Variants in FHDC1 observed in about 807,000 individuals in gnomAD.
The protein encoded by FHDC1 is FH2 domain containing 1.
In FHDC1, 25 loss-of-function variants were observed where a neutral mutation model predicts 52.6. The ratio of observed to expected loss-of-function variants is 0.48; its 90% CI spans 0.35 to 0.66. FHDC1 has a LOEUF of 0.66. Ranked by LOEUF, FHDC1 falls within the 30% of genes least tolerant of loss-of-function variation. The probability of loss-of-function intolerance (pLI) is 0.01; values close to 1 mark genes in which losing one functional copy is unlikely to be tolerated. For missense variants in FHDC1, 1,459 were observed against 1,452.8 expected, an observed-to-expected ratio of 1.00 and a Z score of -0.07; for synonymous variants, 616 against 581.5, an observed-to-expected ratio of 1.06 and a Z score of -0.85.
At chr4:152,920,317 A>AAC in the FHDC1 span, among the ~76,000 whole-genome samples, 37 of 151,742 alleles carry the variant, frequency 2.4e-4, no homozygotes, top group South Asian at 4.2e-4. Context: ...TGTGACAGAG[A>AAC]ACACACACAC....
At chr4:152,920,769 C>A in the FHDC1 span, among the ~76,000 whole-genome samples, 1 of 152,002 alleles carries the variant, frequency 6.6e-6, no homozygotes, top group East Asian at 1.9e-4. Flanking sequence ...AAATAAAAAT[C>A]TCTTGTAATT....
chr4:152,942,347 C>G (rs1739596409), intron 1 of FHDC1, among the ~76,000 whole-genome samples: 1 of 152,188 alleles, frequency 6.6e-6, no homozygotes, highest in Non-Finnish European at 1.5e-5. Context: ...GTTCTTTTCT[C>G]TATTTGGGGG....
chr4:152,949,203 T>C (rs12651510), intron 2 of FHDC1, among the ~76,000 whole-genome samples: 86,080 of 150,704 alleles, frequency 0.57, 25,020 homozygotes, highest in South Asian at 0.71. Flanking sequence ...GGACCAGGCA[T>C]GGTGGCTGAA....
Position 152,975,337 on chromosome 4 carries a change from C to G in FHDC1, c.2046C>G (p.Phe682Leu), listed in dbSNP as rs779737585. 1.2e-6 allele frequency: 2 copies of G among 1,613,692 alleles called. No individual in the cohort carries two copies. The highest frequency in any genetic ancestry group is 3.3e-5 in the Admixed American group (2 of 60,030). ...EHELVTGLAQFNLQGSQGMEE... is the reference protein window; with the variant it reads ...EHELVTGLAQLNLQGSQGMEE... ...AGCTGGTGACAGGGCTGGCCCAGTTCAACCTCCAGGGTTCCCAGGGCATGG... is the reference window on the plus strand; with the variant it reads ...AGCTGGTGACAGGGCTGGCCCAGTTGAACCTCCAGGGTTCCCAGGGCATGG... The change falls in exon 12 of 12, where the codon TTC (phenylalanine) becomes TTG (leucine). Residue 682 changes from phenylalanine to leucine, a missense_variant. Physicochemically the swap from Phe to Leu is conservative, Grantham distance 22 (BLOSUM62 0). Coordinates refer to ENST00000511601, the MANE Select transcript of FHDC1 (RefSeq NM_001371116.1).
chr4:152,918,043 G>A, the FHDC1 span, among the ~76,000 whole-genome samples: 1 of 152,244 alleles, frequency 6.6e-6, no homozygotes, highest in Non-Finnish European at 1.5e-5. Context: ...AAGCTTCATA[G>A]TAGGCTGTGG....
chr4:152,927,039 A>G, the FHDC1 span, among the ~76,000 whole-genome samples: 53 of 152,372 alleles, frequency 3.5e-4, no homozygotes, highest in Non-Finnish European at 5.4e-4. Context: ...GAAGCAGGAA[A>G]AATCTCAAAT....
At chr4:152,938,342 G>A (rs944307095) in intron 1 of FHDC1, among the ~76,000 whole-genome samples, 3 of 152,032 alleles carry the variant, frequency 2.0e-5, no homozygotes, top group Non-Finnish European at 2.9e-5. Flanking sequence ...TACTGGGAAC[G>A]CGTTGTCCTG....
At position 152,942,952 on chromosome 4, in the gene FHDC1, T is replaced by C; in HGVS notation, c.-106T>C. 1 of 1,281,462 alleles carries C rather than the reference T, an allele frequency of 7.8e-7. No homozygotes were observed. The highest frequency in any genetic ancestry group is 1.1e-6 in the Non-Finnish European group (1 of 922,216). 79.4% of individuals were successfully genotyped at this position (1,281,462 alleles called of 1,614,324 possible). A position where few individuals can be genotyped will look rare whatever the true frequency, so the allele number is the denominator to read the frequency against. On this transcript the variant is annotated 5_prime_UTR_variant, in exon 2 of 12. Coordinates refer to ENST00000511601, the MANE Select transcript of FHDC1 (RefSeq NM_001371116.1). ...GGTTTGGAAGAGGACAGTTGCCCTT[T>C]ATTCTGGCGGCAGATAGCAGCAGGT...
At position 152,962,871 on chromosome 4, in the gene FHDC1, A is replaced by T; in HGVS notation, c.908A>T (p.Asn303Ile). 1 of 1,613,886 alleles carries T rather than the reference A, an allele frequency of 6.2e-7. No individual in the cohort carries two copies. The highest frequency in any genetic ancestry group is 1.7e-5 in the Admixed American group (1 of 59,976). Residue 303 changes from asparagine (N) to isoleucine (I), a missense_variant, in exon 7 of 12, where the codon AAT becomes ATT. Physicochemically the swap from Asn to Ile is moderately radical, Grantham distance 149. Coordinates refer to ENST00000511601, the MANE Select transcript of FHDC1 (RefSeq NM_001371116.1). ...SILHLVLQAG[N>I]IMNAGGYAGN... ...TTACACTTGGTGCTCCAGGCTGGGA[A>T]TATCATGAATGCAGTAAGTAAAATC... is the stretch of plus-strand genomic sequence containing the variant.
upstream of FHDC1, among the ~76,000 whole-genome samples, chr4:152,934,020 G>A (rs1217641298): frequency 1.3e-5 from 2 of 152,224 alleles, no homozygotes; most frequent in African/African-American, 4.8e-5. Context: ...CACCAAGGTA[G>A]TGGATGTAGG....
intron 2 of FHDC1, among the ~76,000 whole-genome samples, chr4:152,945,546 T>G (rs760256793): frequency 3.9e-5 from 6 of 152,220 alleles, no homozygotes; most frequent in Non-Finnish European, 2.9e-5. Context: ...AACCTCCACC[T>G]TCTGGGTTCA....
At chr4:152,917,482 T>C in the FHDC1 span, among the ~76,000 whole-genome samples, 1 of 152,216 alleles carries the variant, frequency 6.6e-6, no homozygotes, top group Non-Finnish European at 1.5e-5. Flanking sequence ...AAAGGATATT[T>C]ATTTATATTG....
chr4:152,942,890 T>A (rs529804269), intron 1 of FHDC1, 38 bp from the exon 2 acceptor site: 16 of 682,658 alleles, frequency 2.3e-5, no homozygotes, highest in Non-Finnish European at 3.8e-5. Flanking sequence ...CGAAACTGTT[T>A]GTCTGTAACT....
At chr4:152,933,557 AC>A (rs1459146024), upstream of FHDC1, among the ~76,000 whole-genome samples, 2 of 151,576 alleles carry the variant, frequency 1.3e-5, no homozygotes, top group Non-Finnish European at 2.9e-5. Flanking sequence ...ACATGGTGAA[AC>A]CCTATCTCTA....
the FHDC1 span, among the ~76,000 whole-genome samples, chr4:152,922,766 A>T: frequency 7.9e-5 from 12 of 152,226 alleles, no homozygotes; most frequent in African/African-American, 2.9e-4. Context: ...CCACATGATT[A>T]TCTCAATAGA....
Position 152,969,938 on chromosome 4 carries a change from T to C in FHDC1, c.1218+1841T>C, listed in dbSNP as rs151110354. On this transcript the variant is annotated intron_variant, in intron 10 of 11. Coordinates refer to ENST00000511601, the MANE Select transcript of FHDC1 (RefSeq NM_001371116.1). The stretch of plus-strand genomic sequence containing the variant: ...CCCACCTCCCAAAGTGCTGGGATTG[T>C]AGGCATGAGCCACTGCGCCAACCCA... Among the ~76,000 whole-genome samples the C allele has an allele frequency of 3.8e-3, 574 of 152,328 alleles. 4 individuals carry two copies. Among genetic ancestry groups the C allele is most frequent in the African/African-American group, 0.013 (548 of 41,574 alleles).
At chr4:152,969,424 A>C (rs1265374119) in intron 10 of FHDC1, among the ~76,000 whole-genome samples, 1 of 152,264 alleles carries the variant, frequency 6.6e-6, no homozygotes, top group Non-Finnish European at 1.5e-5. Context: ...TACCACAAAA[A>C]TACTGAACAG....
rs1181284487 is a variant in FHDC1, at chr4:152,975,679, G to C, written c.2388G>C (p.Gly796=). 19 of 1,612,356 alleles carry C rather than the reference G, an allele frequency of 1.2e-5. No homozygotes were observed. Among genetic ancestry groups the C allele is most frequent in the South Asian group, 2.2e-5 (2 of 91,052 alleles). Residue 796 remains glycine (G), a synonymous_variant, in exon 12 of 12, where the codon GGG becomes GGC. Transcript: ENST00000511601. The part of the protein sequence containing the change: ...SEGTDSRPRG[G]DPEEGGEGDG... ...GAACCGACTCCAGACCCAGAGGCGG[G>C]GACCCGGAGGAAGGCGGGGAAGGGG...
intron 10 of FHDC1, among the ~76,000 whole-genome samples, chr4:152,971,834 C>T (rs1370381894): frequency 5.3e-5 from 8 of 152,122 alleles, no homozygotes; most frequent in African/African-American, 1.7e-4. Context: ...ATCAGCACCC[C>T]GGGTTTAGGC....
Sources: allele counts gnomAD v4.1 joint callset (sites outside exome capture counted in the v4.1 genomes callset), GRCh38; gene constraint gnomAD v4.1.1; transcripts MANE v1.5; gene names NCBI Gene and HGNC (gene_info 2026-07-23, HGNC 2026-07-21).